The following TTLL5 variants were observed in gnomAD, a reference collection of about 807,000 sequenced individuals.
The protein encoded by TTLL5 is tubulin polyglutamylase TTLL5.
Under a neutral mutation model 168.4 loss-of-function variants are expected in TTLL5, and 132 were observed. The ratio of observed to expected loss-of-function variants is 0.78; its 90% CI spans 0.68 to 0.91. The LOEUF (loss-of-function observed/expected upper bound fraction) is 0.91. Ranked by LOEUF, TTLL5 falls within the 40% of genes least tolerant of loss-of-function variation. TTLL5 has a pLI of 0.00. For synonymous variants in TTLL5, 546 were observed against 558.6 expected (o/e 0.98, Z 0.32); for missense variants, 1,545 against 1,581.5 (o/e 0.98, Z 0.39).
At chr14:75,719,419 T>C (rs968399791) in intron 10 of TTLL5, among the ~76,000 whole-genome samples, 11 of 152,242 alleles carry the variant, frequency 7.2e-5, no homozygotes, top group African/African-American at 2.7e-4. Context: ...GTAACCATTC[T>C]TAAATTTGTT....
At chr14:75,801,539 T>C (rs1290361836) in intron 27 of TTLL5, among the ~76,000 whole-genome samples, 1 of 152,072 alleles carries the variant, frequency 6.6e-6, no homozygotes, top group African/African-American at 2.4e-5. Flanking sequence ...CACCCTGTTG[T>C]GCTATCAAAT....
intron 27 of TTLL5, among the ~76,000 whole-genome samples, chr14:75,808,796 A>T (rs1893803431): frequency 6.6e-6 from 1 of 152,060 alleles, no homozygotes; most frequent in African/African-American, 2.4e-5. Flanking sequence ...CTTATTTTTT[A>T]AAATTTTTAT....
chr14:75,917,956 G>T (rs1392773633), intron 31 of TTLL5, among the ~76,000 whole-genome samples: 1 of 152,200 alleles, frequency 6.6e-6, no homozygotes, highest in Admixed American at 6.5e-5. Context: ...GGAGACAGGA[G>T]GTCCAGGGCT....
intron 24 of TTLL5, 60 bp downstream of exon 24, chr14:75,779,762 A>C (rs1683958998): frequency 6.5e-7 from 1 of 1,529,878 alleles, no homozygotes; most frequent in African/African-American, 1.4e-5. Flanking sequence ...TGAGAAATGC[A>C]AAGGAGAATG....
chr14:75,756,582 A>G (rs1332755949), intron 18 of TTLL5, among the ~76,000 whole-genome samples: 1 of 151,134 alleles, frequency 6.6e-6, no homozygotes, highest in East Asian at 1.9e-4. Context: ...ATCTCGGCTC[A>G]CTGCAACCTC....
At chr14:75,784,234 G>C (rs1163114043) in intron 26 of TTLL5, among the ~76,000 whole-genome samples, 3 of 152,098 alleles carry the variant, frequency 2.0e-5, no homozygotes, top group African/African-American at 7.2e-5. Context: ...CTACTTCTCT[G>C]TTTTTACAGA....
intron 30 of TTLL5, among the ~76,000 whole-genome samples, chr14:75,886,236 A>G (rs899076558): frequency 2.0e-5 from 3 of 152,200 alleles, no homozygotes; most frequent in African/African-American, 7.2e-5. Flanking sequence ...TAGAGGGTTG[A>G]GTTTTGAGTT....
intron 5 of TTLL5, among the ~76,000 whole-genome samples, chr14:75,687,375 G>A (rs1049061547): frequency 3.3e-5 from 5 of 152,162 alleles, no homozygotes; most frequent in African/African-American, 9.7e-5. Context: ...CTGGGTTCAA[G>A]CGATTCTCCT....
chr14:75,918,685 TTATGA>T (rs1256965482), intron 31 of TTLL5, among the ~76,000 whole-genome samples: 8 of 152,220 alleles, frequency 5.3e-5, no homozygotes, highest in African/African-American at 1.9e-4. Flanking sequence ...CAATATAAAA[TTATGA>T]TATATCACAT....
intron 24 of TTLL5, among the ~76,000 whole-genome samples, chr14:75,780,368 C>T (rs941357651): frequency 6.6e-6 from 1 of 152,094 alleles, no homozygotes; most frequent in Non-Finnish European, 1.5e-5. Flanking sequence ...CCAGAATGCC[C>T]CTACATGTTT....
At chr14:75,794,968 G>A (rs1422514103) in intron 27 of TTLL5, among the ~76,000 whole-genome samples, 1 of 152,194 alleles carries the variant, frequency 6.6e-6, no homozygotes, top group Non-Finnish European at 1.5e-5. Flanking sequence ...CTGACTAGCT[G>A]TGTGATCTTG....
chr14:75,781,957 CAAAAAAAAAAAAAA>C (rs11350842), intron 24 of TTLL5, among the ~76,000 whole-genome samples: 34 of 69,454 alleles, frequency 4.9e-4, no homozygotes, highest in African/African-American at 1.6e-3. Flanking sequence ...AAACTTTGTT[CAAAAAAAAAAAAAA>C]AAAAAAAAAG....
At chr14:75,806,359 C>T (rs367766465) in intron 27 of TTLL5, among the ~76,000 whole-genome samples, 2 of 152,226 alleles carry the variant, frequency 1.3e-5, no homozygotes, top group East Asian at 3.9e-4. Context: ...AATCACAAGT[C>T]TCATCATGGT....
chr14:75,931,992 C>G (rs1287220626), intron 31 of TTLL5, among the ~76,000 whole-genome samples: 1 of 152,132 alleles, frequency 6.6e-6, no homozygotes, highest in African/African-American at 2.4e-5. Flanking sequence ...TTTCATAGTA[C>G]TGGGCATATA....
chr14:75,863,973 C>A, intron 29 of TTLL5, 111 bp downstream of exon 29: 2 of 1,159,166 alleles, frequency 1.7e-6, no homozygotes, highest in Non-Finnish European at 2.3e-6. Flanking sequence ...TTTTCCAACC[C>A]CGTGCCATCC....
intron 6 of TTLL5, among the ~76,000 whole-genome samples, chr14:75,691,351 G>A (rs920577864): frequency 2.0e-5 from 3 of 152,244 alleles, no homozygotes; most frequent in African/African-American, 7.2e-5. Flanking sequence ...TTAATGCACA[G>A]AAGAGACATG....
At chr14:75,951,482 G>A (rs886807211) in intron 31 of TTLL5, among the ~76,000 whole-genome samples, 1 of 152,058 alleles carries the variant, frequency 6.6e-6, no homozygotes, top group Non-Finnish European at 1.5e-5. Flanking sequence ...ATACCAGGCA[G>A]GGCGCAGTGG....
chr14:75,895,231 G>A (rs1449103761), intron 30 of TTLL5, among the ~76,000 whole-genome samples: 1 of 152,172 alleles, frequency 6.6e-6, no homozygotes, highest in East Asian at 1.9e-4. Context: ...ATGTGTGTAT[G>A]TGCAATTAAA....
intron 6 of TTLL5, among the ~76,000 whole-genome samples, chr14:75,694,960 A>C (rs1317550079): frequency 2.0e-5 from 3 of 152,216 alleles, no homozygotes; most frequent in African/African-American, 7.2e-5. Flanking sequence ...TTCGTAAAGC[A>C]TGTGTTTAAA....
Sources: gnomAD v4.1 joint callset for allele counts (sites outside exome capture counted in the v4.1 genomes callset) on GRCh38, gnomAD v4.1.1 for gene constraint, MANE v1.5 for transcripts, NCBI Gene and HGNC (gene_info 2026-07-23, HGNC 2026-07-21) for gene names.